TMEM132D: variants seen among roughly 807,000 people sequenced by gnomAD.
TMEM132D encodes mature OL transmembrane protein.
In TMEM132D, 21 loss-of-function variants were observed where a neutral mutation model predicts 62.3. The ratio of observed to expected loss-of-function variants is 0.34; its 90% CI spans 0.24 to 0.49. TMEM132D has a LOEUF of 0.49. Among genes scored for constraint, TMEM132D ranks in the 20% least tolerant of loss-of-function variants. The pLI is 0.99. For synonymous variants in TMEM132D, 621 were observed against 575.6 expected (o/e 1.08, Z -1.13); for missense variants, 1,346 against 1,402.8 (o/e 0.96, Z 0.65).
chr12:129,677,575 A>C (rs1443753447), intron 2 of TMEM132D, among the ~76,000 whole-genome samples: 1 of 152,228 alleles, frequency 6.6e-6, no homozygotes, highest in Non-Finnish European at 1.5e-5. Flanking sequence ...AACTTTAAAA[A>C]TTTTGACATG....
At chr12:129,530,476 C>T (rs1478169455) in intron 3 of TMEM132D, among the ~76,000 whole-genome samples, 1 of 152,300 alleles carries the variant, frequency 6.6e-6, no homozygotes, top group Non-Finnish European at 1.5e-5. Flanking sequence ...CTTTGCCCAG[C>T]TGTGAATTGA....
chr12:129,260,627 C>T (rs1419780985), intron 4 of TMEM132D, among the ~76,000 whole-genome samples: 3 of 152,106 alleles, frequency 2.0e-5, no homozygotes, highest in Non-Finnish European at 4.4e-5. Context: ...GAGAAGTGCA[C>T]AGTGTACCCA....
At chr12:129,362,562 ATATTT>A (rs1870283083) in intron 3 of TMEM132D, among the ~76,000 whole-genome samples, 1 of 152,054 alleles carries the variant, frequency 6.6e-6, no homozygotes, top group African/African-American at 2.4e-5. Flanking sequence ...AAATGAAGAT[ATATTT>A]TATTTTTATA....
intron 3 of TMEM132D, among the ~76,000 whole-genome samples, chr12:129,340,421 T>C (rs1869433230): frequency 6.6e-6 from 1 of 152,190 alleles, no homozygotes; most frequent in Non-Finnish European, 1.5e-5. Flanking sequence ...ACTCGTCATT[T>C]ACATTAGGTA....
chr12:129,761,717 T>C (rs987592043), intron 1 of TMEM132D, among the ~76,000 whole-genome samples: 72 of 152,296 alleles, frequency 4.7e-4, no homozygotes, highest in African/African-American at 1.5e-3. Context: ...TGGGCTACGA[T>C]AACTCCCAAC....
intron 3 of TMEM132D, among the ~76,000 whole-genome samples, chr12:129,441,353 GAGA>G (rs1486403222): frequency 6.6e-6 from 1 of 152,138 alleles, no homozygotes; most frequent in Non-Finnish European, 1.5e-5. Context: ...CGCACGGTAT[GAGA>G]AGAACTAGAA....
intron 3 of TMEM132D, among the ~76,000 whole-genome samples, chr12:129,501,999 CTTT>C (rs10532306): frequency 1.5e-4 from 23 of 149,820 alleles, no homozygotes; most frequent in African/African-American, 5.1e-4. Context: ...ATTTCTGTGA[CTTT>C]TTTTTTTTTC....
At chr12:129,699,777 G>A in intron 2 of TMEM132D, 33 bp downstream of exon 2, 2 of 1,604,634 alleles carry the variant, frequency 1.2e-6, no homozygotes, top group Non-Finnish European at 1.7e-6. Flanking sequence ...TGATCGACGG[G>A]CGGGTACAGA....
At chr12:129,885,508 C>A (rs1028099596) in intron 1 of TMEM132D, among the ~76,000 whole-genome samples, 1 of 152,168 alleles carries the variant, frequency 6.6e-6, no homozygotes, top group African/African-American at 2.4e-5. Flanking sequence ...TGGTCTACAC[C>A]GTGGCTCAGG....
chr12:129,546,629 G>A lies in TMEM132D; in HGVS notation c.969-15424C>T, dbSNP rs531100534. Among the ~76,000 whole-genome samples the A allele has an allele frequency of 2.2e-4, 34 of 151,980 alleles. No homozygotes were observed. In the East Asian group the frequency reaches 2.5e-3, roughly 11 times the overall value. On this transcript the variant is annotated intron_variant, in intron 2 of 8. Coordinates refer to ENST00000422113, the MANE Select transcript of TMEM132D (RefSeq NM_133448.3). Reference sequence around the variant, plus strand: ...AGCCTGACCAACATGGTGAAACCCCGTCTCTACTAAAAATAAAAAAAATTA... The same window carrying A: ...AGCCTGACCAACATGGTGAAACCCCATCTCTACTAAAAATAAAAAAAATTA...
At chr12:129,077,655 CACAT>C (rs1029005837) in intron 8 of TMEM132D, among the ~76,000 whole-genome samples, 15 of 150,946 alleles carry the variant, frequency 9.9e-5, no homozygotes, top group Middle Eastern at 3.4e-3. Flanking sequence ...CATACGGACA[CACAT>C]AAAGCAAAAA....
intron 3 of TMEM132D, among the ~76,000 whole-genome samples, chr12:129,504,642 T>C (rs956461827): frequency 2.6e-5 from 4 of 152,226 alleles, no homozygotes; most frequent in Non-Finnish European, 4.4e-5. Flanking sequence ...TAATAGTCTA[T>C]CAATTTTATT....
chr12:129,753,571 T>C (rs1301746195), intron 1 of TMEM132D, among the ~76,000 whole-genome samples: 3 of 152,206 alleles, frequency 2.0e-5, no homozygotes, highest in Admixed American at 1.3e-4. Flanking sequence ...AAAATGCTTT[T>C]CTTATCCCCT....
intron 4 of TMEM132D, among the ~76,000 whole-genome samples, chr12:129,283,480 C>T (rs539527205): frequency 6.6e-6 from 1 of 152,342 alleles, no homozygotes; most frequent in South Asian, 2.1e-4. Flanking sequence ...GCATGAGCCA[C>T]CACACCCAGC....
intron 1 of TMEM132D, among the ~76,000 whole-genome samples, chr12:129,784,211 G>A (rs952547087): frequency 6.6e-6 from 1 of 152,182 alleles, no homozygotes. Context: ...CTGGCATTTA[G>A]GGCTCACTCT....
At chr12:129,654,431 G>A (rs551941214) in intron 2 of TMEM132D, among the ~76,000 whole-genome samples, 22 of 152,072 alleles carry the variant, frequency 1.4e-4, no homozygotes, top group African/African-American at 4.8e-4. Flanking sequence ...AAGATGTACC[G>A]TATAACTCTT....
At chr12:129,174,459 T>A (rs1217170502) in intron 5 of TMEM132D, among the ~76,000 whole-genome samples, 4 of 152,216 alleles carry the variant, frequency 2.6e-5, no homozygotes, top group African/African-American at 9.7e-5. Context: ...GTACCAAATT[T>A]TCTTTATCCA....
intron 1 of TMEM132D, among the ~76,000 whole-genome samples, chr12:129,766,483 CCTCT>C (rs1052017203): frequency 3.9e-5 from 6 of 152,220 alleles, no homozygotes; most frequent in East Asian, 1.9e-4. Flanking sequence ...CCAAAATATG[CCTCT>C]CTGACACAAA....
chr12:129,890,400 G>A (rs758887769), intron 1 of TMEM132D, among the ~76,000 whole-genome samples: 3 of 152,156 alleles, frequency 2.0e-5, no homozygotes, highest in Non-Finnish European at 4.4e-5. Context: ...TGGGATTGGG[G>A]CCAGAATAGG....
Sources: allele counts gnomAD v4.1 joint callset (sites outside exome capture counted in the v4.1 genomes callset), GRCh38; gene constraint gnomAD v4.1.1; transcripts MANE v1.5; gene names NCBI Gene and HGNC (gene_info 2026-07-23, HGNC 2026-07-21).